The following EXOC4 variants were observed in gnomAD, a reference collection of about 807,000 sequenced individuals.
The protein encoded by EXOC4 is SEC8-like 1.
A neutral mutation model predicts 107.2 loss-of-function variants in EXOC4; 71 were observed. That is an observed-to-expected ratio of 0.66 (90% CI 0.55 to 0.81). The LOEUF is 0.81. Ranked by LOEUF, EXOC4 falls within the 30% of genes least tolerant of loss-of-function variation. The pLI is 0.00. For synonymous variants in EXOC4, 456 were observed against 441.2 expected (o/e 1.03, Z -0.42); for missense variants, 1,108 against 1,189.6 (o/e 0.93, Z 1.01).
At chr7:134,095,761 T>C in the EXOC4 span, among the ~76,000 whole-genome samples, 24 of 152,308 alleles carry the variant, frequency 1.6e-4, no homozygotes, top group Admixed American at 7.2e-4. Context: ...GATAACTGGA[T>C]AGCCATACGT....
intron 10 of EXOC4, among the ~76,000 whole-genome samples, chr7:133,678,202 A>C (rs1794107530): frequency 6.6e-6 from 1 of 152,202 alleles, no homozygotes; most frequent in African/African-American, 2.4e-5. Flanking sequence ...GCCATTTTGC[A>C]GCACCATAGA....
chr7:133,911,483 G>A (rs375104137), intron 12 of EXOC4, among the ~76,000 whole-genome samples: 4 of 152,120 alleles, frequency 2.6e-5, no homozygotes, highest in East Asian at 3.9e-4. Context: ...CATATTTATT[G>A]TTGAGGGCAG....
At chr7:133,554,750 C>T (rs1800660273) in intron 9 of EXOC4, among the ~76,000 whole-genome samples, 1 of 152,132 alleles carries the variant, frequency 6.6e-6, no homozygotes, top group South Asian at 2.1e-4. Context: ...ACAATTGGCA[C>T]ATTGTATTAT....
intron 12 of EXOC4, among the ~76,000 whole-genome samples, chr7:133,908,918 G>A (rs180818276): frequency 1.3e-4 from 20 of 152,186 alleles, no homozygotes; most frequent in East Asian, 9.6e-4. Flanking sequence ...TACACGGGCC[G>A]TGGTGGTGTG....
At chr7:133,922,618 C>T (rs1342965333) in intron 13 of EXOC4, among the ~76,000 whole-genome samples, 6 of 151,976 alleles carry the variant, frequency 3.9e-5, no homozygotes, top group African/African-American at 7.2e-5. Context: ...AGAACTGAGA[C>T]GGGTGGATCA....
intron 5 of EXOC4, among the ~76,000 whole-genome samples, chr7:133,355,258 A>G (rs867515872): frequency 6.6e-6 from 1 of 151,298 alleles, no homozygotes; most frequent in Non-Finnish European, 1.5e-5. Flanking sequence ...AAAATCTTGC[A>G]TTTGTTTTGA....
intron 10 of EXOC4, among the ~76,000 whole-genome samples, chr7:133,780,978 T>C (rs146711087): frequency 6.6e-6 from 1 of 152,316 alleles, no homozygotes; most frequent in African/African-American, 2.4e-5. Flanking sequence ...CACTATGACA[T>C]CACAAAACTG....
At position 134,064,633 on chromosome 7, in the gene EXOC4, C is replaced by A. The variant is rs1796144262; in HGVS notation, c.*105C>A. On this transcript the variant is annotated 3_prime_UTR_variant, in exon 18 of 18. Transcript: ENST00000253861. ...GAGCTTAGTTTTCTCTACAGTGATA[C>A]TTTAGTGGAGAGGAGGTGTAAGGAT... 1.3e-6 allele frequency: 1 copy of A among 744,630 alleles called. No homozygotes were observed. The highest frequency in any genetic ancestry group is 2.1e-6 in the Non-Finnish European group (1 of 474,136). 46.1% of individuals were successfully genotyped at this position (744,630 alleles called of 1,614,324 possible). A position where few individuals can be genotyped will look rare whatever the true frequency, so the allele number is the denominator to read the frequency against.
chr7:133,882,910 A>T (rs924609439), intron 11 of EXOC4, among the ~76,000 whole-genome samples: 1 of 152,088 alleles, frequency 6.6e-6, no homozygotes, highest in Non-Finnish European at 1.5e-5. Context: ...ATAACTTTAA[A>T]TTTTTTTCTT....
At chr7:133,808,226 C>A (rs1797125969) in intron 10 of EXOC4, among the ~76,000 whole-genome samples, 1 of 152,164 alleles carries the variant, frequency 6.6e-6, no homozygotes, top group South Asian at 2.1e-4. Flanking sequence ...TCAGCATGAA[C>A]AATTACAGCT....
intron 6 of EXOC4, among the ~76,000 whole-genome samples, chr7:133,369,468 G>A (rs1237942691): frequency 6.6e-6 from 1 of 151,982 alleles, no homozygotes; most frequent in African/African-American, 2.4e-5. Context: ...CTCTCTCTTA[G>A]CCTTACCATA....
chr7:134,099,849 G>T, the EXOC4 span, among the ~76,000 whole-genome samples: 1 of 152,108 alleles, frequency 6.6e-6, no homozygotes, highest in Non-Finnish European at 1.5e-5. Flanking sequence ...TGGGATTACA[G>T]GTGCCCACCA....
rs546026970 is a variant in EXOC4 at position 133,473,578 on chromosome 7, G to T, written c.1183-1750G>T. 2.6e-5 allele frequency among the ~76,000 whole-genome samples: 4 copies of T among 152,108 alleles called. No individual in the cohort carries two copies. In the East Asian group the frequency reaches 7.7e-4, roughly 29 times the overall value. On this transcript the variant is annotated intron_variant, in intron 7 of 17. Coordinates refer to ENST00000253861, the MANE Select transcript of EXOC4 (RefSeq NM_021807.4). ...TTAAAGTCTATTTTGTCTGGTATTGGTATAGCAAATCCTACTCTGTTGTGT... is the reference window on the plus strand; with the variant it reads ...TTAAAGTCTATTTTGTCTGGTATTGTTATAGCAAATCCTACTCTGTTGTGT...
chr7:133,406,358 G>A lies in EXOC4; in HGVS notation c.1182+31356G>A, dbSNP rs145795826. ...ATGGTTTGAAAATCACTTTTTTTTT[G>A]TATTTATAACACAAATGCTTAATAA... On this transcript the variant is annotated intron_variant, in intron 7 of 17. Coordinates refer to ENST00000253861, the MANE Select transcript of EXOC4 (RefSeq NM_021807.4). 4.8e-3 allele frequency among the ~76,000 whole-genome samples: 734 copies of A among 151,524 alleles called. 13 individuals are homozygous for A. The highest frequency in any genetic ancestry group is 0.023 in the Admixed American group (358 of 15,242).
chr7:133,724,184 G>A (rs1413950564), intron 10 of EXOC4, among the ~76,000 whole-genome samples: 1 of 152,146 alleles, frequency 6.6e-6, no homozygotes, highest in East Asian at 1.9e-4. Flanking sequence ...GAGTTGCTAG[G>A]TCAGATCTGG....
chr7:133,724,323 A>T (rs1795170791), intron 10 of EXOC4, among the ~76,000 whole-genome samples: 1 of 152,220 alleles, frequency 6.6e-6, no homozygotes, highest in African/African-American at 2.4e-5. Context: ...AATTTAAACC[A>T]TATCTGGAAG....
At chr7:133,751,982 C>CAAATAAATAAAT (rs138557946) in intron 10 of EXOC4, among the ~76,000 whole-genome samples, 26,847 of 124,892 alleles carry the variant, frequency 0.21, 3,485 homozygotes, top group Admixed American at 0.4. Flanking sequence ...ATCTCTCTAC[C>CAAATAAATAAAT]AAATAAATAA....
At chr7:133,490,423 A>C in intron 9 of EXOC4, among the ~76,000 whole-genome samples, 1 of 152,296 alleles carries the variant, frequency 6.6e-6, no homozygotes. Context: ...GGAGGCATCT[A>C]TAAGTATTTA....
chr7:133,648,293 T>C lies in EXOC4; in HGVS notation c.1514+18152T>C, dbSNP rs142409320. On this transcript the variant is annotated intron_variant, in intron 10 of 17. Transcript: ENST00000253861. ...TTGGTCTGAAGTGAAAAGAAAACTTTTAGCAACCTCACATGCTGCCTACAG... is the reference window on the plus strand; with the variant it reads ...TTGGTCTGAAGTGAAAAGAAAACTTCTAGCAACCTCACATGCTGCCTACAG... 4.5e-4 allele frequency among the ~76,000 whole-genome samples: 68 copies of C among 152,298 alleles called. No individual in the cohort carries two copies. The East Asian group carries it at 0.011, about 24-fold the overall frequency.
Sources: allele counts gnomAD v4.1 joint callset (sites outside exome capture counted in the v4.1 genomes callset), GRCh38; gene constraint gnomAD v4.1.1; transcripts MANE v1.5; gene names NCBI Gene and HGNC (gene_info 2026-07-23, HGNC 2026-07-21).